CPSF3: variants seen among roughly 807,000 people sequenced by gnomAD.
CPSF3 encodes the protein cleavage and polyadenylation specificity factor subunit 3.
CPSF3 carries 57 observed loss-of-function variants against 84.1 expected under a neutral mutation model. The observed-to-expected ratio is 0.68, with a 90% CI of 0.55 to 0.85. The LOEUF (loss-of-function observed/expected upper bound fraction) is 0.85, where lower values mean the gene tolerates loss of function less well. CPSF3 is among the 40% of genes least tolerant of loss of function. The probability of loss-of-function intolerance (pLI) is 0.00; values close to 1 mark genes in which losing one functional copy is unlikely to be tolerated. For missense variants in CPSF3, 522 were observed against 838.8 expected, an observed-to-expected ratio of 0.62 and a Z score of 4.66; for synonymous variants, 275 against 278.1, an observed-to-expected ratio of 0.99 and a Z score of 0.11.
Position 9,456,987 on chromosome 2 carries a change from A to C in CPSF3, c.1658A>C (p.Asn553Thr). The change falls in exon 14 of 18, where the codon AAT becomes ACT. Residue 553 changes from asparagine to threonine, a missense_variant. Physicochemically the swap from Asn to Thr is moderately conservative, Grantham distance 65. Coordinates refer to ENST00000238112, the MANE Select transcript of CPSF3 (RefSeq NM_016207.4). ...QEKPALKVFK[N>T]ITVIQEPGMV... ...AAACCTGCTCTGAAAGTGTTCAAAA[A>C]TATTACTGTAATACAAGAACCAGGC... The C allele has an allele frequency of 3.1e-6, 5 of 1,603,848 alleles. No homozygotes were observed. Among genetic ancestry groups the C allele is most frequent in the Non-Finnish European group, 4.3e-6 (5 of 1,174,354 alleles).
At chr2:9,455,542 G>C (rs1369472139) in intron 12 of CPSF3, 117 bp from the exon 13 acceptor site, 1 of 702,894 alleles carries the variant, frequency 1.4e-6, no homozygotes, top group African/African-American at 1.8e-5. Flanking sequence ...GGAGCATCTT[G>C]TTAGCTTTCT....
intron 17 of CPSF3, among the ~76,000 whole-genome samples, chr2:9,472,479 G>T (rs1682205184): frequency 6.6e-6 from 1 of 152,086 alleles, no homozygotes; most frequent in Admixed American, 6.6e-5. Flanking sequence ...CAAACTGTGG[G>T]CTTTGATGTA....
intron 11 of CPSF3, 118 bp downstream of exon 11, chr2:9,448,468 A>G (rs776820172): frequency 2.4e-5 from 20 of 835,144 alleles, no homozygotes; most frequent in Non-Finnish European, 3.6e-5. Flanking sequence ...TACTTGTTAC[A>G]CTACAGGAAT....
chr2:9,424,806 A>G (rs1328887456), intron 1 of CPSF3: 1 of 152,184 alleles, frequency 6.6e-6, no homozygotes, highest in African/African-American at 2.4e-5. Context: ...GCACAGTGGG[A>G]AATATTGGAG....
At chr2:9,458,202 G>A (rs1192953223) in intron 14 of CPSF3, among the ~76,000 whole-genome samples, 3 of 151,684 alleles carry the variant, frequency 2.0e-5, no homozygotes, top group Non-Finnish European at 2.9e-5. Context: ...TCAGGAGTTC[G>A]AGACCACCCT....
intron 7 of CPSF3, among the ~76,000 whole-genome samples, chr2:9,438,869 TAGAA>T (rs1054132685): frequency 2.0e-5 from 3 of 152,244 alleles, no homozygotes; most frequent in East Asian, 1.9e-4. Context: ...TGTAGTATAA[TAGAA>T]AGAACAGCTG....
At chr2:9,436,774 A>AAAAAAAAATAATAATAATAATAAT (rs139337028) in intron 7 of CPSF3, among the ~76,000 whole-genome samples, 5 of 143,036 alleles carry the variant, frequency 3.5e-5, no homozygotes, top group African/African-American at 1.3e-4. Flanking sequence ...CCATCTCAAA[A>AAAAAAAAATAATAATAATAATAAT]AATAATAATA....
chr2:9,467,604 A>T, intron 15 of CPSF3, 103 bp from the exon 16 acceptor site: 2 of 739,562 alleles, frequency 2.7e-6, no homozygotes, highest in East Asian at 2.7e-5. Context: ...TTCCATAGTT[A>T]TTCACTTTAA....
intron 15 of CPSF3, among the ~76,000 whole-genome samples, chr2:9,464,332 A>G (rs1236501171): frequency 2.6e-5 from 4 of 152,086 alleles, no homozygotes; most frequent in Non-Finnish European, 5.9e-5. Flanking sequence ...CTAAATATTA[A>G]TGCAGGAATT....
chr2:9,424,261 A>T, intron 1 of CPSF3: 2 of 988,770 alleles, frequency 2.0e-6, no homozygotes, highest in South Asian at 9.2e-5. Context: ...GTTTCTTAAC[A>T]CCAGGGCTTC....
chr2:9,453,714 A>C (rs940779318), intron 12 of CPSF3, among the ~76,000 whole-genome samples: 66 of 152,228 alleles, frequency 4.3e-4, no homozygotes, highest in African/African-American at 1.5e-3. Flanking sequence ...AACATGGTGA[A>C]TCCCCGTCTC....
chr2:9,457,494 A>G (rs1237482730), intron 14 of CPSF3, among the ~76,000 whole-genome samples: 1 of 152,146 alleles, frequency 6.6e-6, no homozygotes, highest in Non-Finnish European at 1.5e-5. Flanking sequence ...TCTGGAAAGG[A>G]TAGAAATTAT....
At chr2:9,430,541 G>A (rs1055872730) in intron 3 of CPSF3, among the ~76,000 whole-genome samples, 2 of 152,092 alleles carry the variant, frequency 1.3e-5, no homozygotes, top group Non-Finnish European at 2.9e-5. Flanking sequence ...GTTTTTTGCT[G>A]TTTAAAAACA....
At chr2:9,441,291 A>C (rs1372838606) in intron 8 of CPSF3, among the ~76,000 whole-genome samples, 5 of 152,238 alleles carry the variant, frequency 3.3e-5, no homozygotes, top group African/African-American at 1.2e-4. Context: ...AAATAATTTA[A>C]AAGTGGACTT....
Position 9,440,546 on chromosome 2 carries a change from A to G in CPSF3, c.816A>G (p.Ser272=). 6.2e-7 allele frequency: 1 copy of G among 1,614,224 alleles called. No homozygotes were observed. The highest frequency in any genetic ancestry group is 8.5e-7 in the Non-Finnish European group (1 of 1,180,036). The change falls in exon 8 of 18, where the codon TCA becomes TCG. Residue 272 remains serine, a synonymous_variant. Coordinates refer to ENST00000238112, the MANE Select transcript of CPSF3 (RefSeq NM_016207.4). ...ELHDIPIYYA[S]SLAKKCMAVY... ...ATGACATTCCAATATACTATGCATCATCTTTGGCCAAGAAGTGTATGGCAG... is the reference window on the plus strand; with the variant it reads ...ATGACATTCCAATATACTATGCATCGTCTTTGGCCAAGAAGTGTATGGCAG...
intron 9 of CPSF3, among the ~76,000 whole-genome samples, chr2:9,442,969 C>T (rs1327256161): frequency 6.6e-6 from 1 of 152,136 alleles, no homozygotes; most frequent in East Asian, 1.9e-4. Context: ...TGGGGACCAG[C>T]TTGGGCAACA....
At chr2:9,435,490 C>T (rs565005474) in intron 6 of CPSF3, among the ~76,000 whole-genome samples, 7 of 150,358 alleles carry the variant, frequency 4.7e-5, no homozygotes, top group East Asian at 3.9e-4. Flanking sequence ...GGCATGATCT[C>T]GGCTCACTGC....
At chr2:9,450,984 G>C (rs953142149) in intron 11 of CPSF3, among the ~76,000 whole-genome samples, 6 of 152,030 alleles carry the variant, frequency 3.9e-5, no homozygotes, top group African/African-American at 1.5e-4. Flanking sequence ...CGATTTAATA[G>C]TATTTTTCTT....
chr2:9,436,316 C>T lies in CPSF3; in HGVS notation c.715C>T (p.Pro239Ser). Residue 239 changes from proline (P) to serine (S), a missense_variant, in exon 7 of 18, where the codon CCT becomes TCT. Around this residue, in one of 2 missense-constraint regions of CPSF3, gnomAD observed 329 missense variants for 607.2 expected, o/e 0.54. Transcript: ENST00000238112. ...AAACAGAGGAGGCAGGGGTCTCATT[C>T]CTGTCTTTGCTCTTGGAAGGGCTCA... ...IVNRGGRGLI[P>S]VFALGRAQEL... is the part of the protein sequence containing the mutation. The T allele has an allele frequency of 6.2e-7, 1 of 1,613,926 alleles. No homozygotes were observed. The highest frequency in any genetic ancestry group is 8.5e-7 in the Non-Finnish European group (1 of 1,179,908).
Sources: gnomAD v4.1 joint callset for allele counts (sites outside exome capture counted in the v4.1 genomes callset) on GRCh38, gnomAD v4.1.1 for gene constraint, gnomAD v4.1.1 regional missense constraint, MANE v1.5 for transcripts, NCBI Gene and HGNC (gene_info 2026-07-23, HGNC 2026-07-21) for gene names.